NCAM2: variants seen among roughly 807,000 people sequenced by gnomAD.
The protein encoded by NCAM2 is neural cell adhesion molecule 2.
NCAM2 carries 30 observed loss-of-function variants against 98.1 expected under a neutral mutation model. The ratio of observed to expected loss-of-function variants is 0.31; its 90% CI spans 0.23 to 0.41. NCAM2 has a LOEUF of 0.41. Ranked by LOEUF, NCAM2 falls within the 10% of genes least tolerant of loss-of-function variation. The probability of loss-of-function intolerance (pLI) is 1.00; values close to 1 mark genes in which losing one functional copy is unlikely to be tolerated. For synonymous variants in NCAM2, 368 were observed against 342.4 expected (o/e 1.07, Z -0.83); for missense variants, 867 against 1,005.8 (o/e 0.86, Z 1.87).
chr21:21,011,857 A>AT (rs772383765), intron 1 of NCAM2, among the ~76,000 whole-genome samples: 1 of 152,168 alleles, frequency 6.6e-6, no homozygotes, highest in Non-Finnish European at 1.5e-5. Context: ...AAGCTGACAT[A>AT]TATATGGTCA....
At chr21:21,290,396 A>C (rs2073249121) in intron 4 of NCAM2, among the ~76,000 whole-genome samples, 1 of 151,848 alleles carries the variant, frequency 6.6e-6, no homozygotes, top group Non-Finnish European at 1.5e-5. Flanking sequence ...AAACTTTATG[A>C]AGTTTCAGGA....
intron 1 of NCAM2, among the ~76,000 whole-genome samples, chr21:21,180,668 A>T (rs937079892): frequency 6.6e-6 from 1 of 151,944 alleles, no homozygotes; most frequent in Admixed American, 6.6e-5. Flanking sequence ...TTAGTTTTTT[A>T]TCTATTCAAA....
At chr21:21,240,595 C>A (rs548249770) in intron 1 of NCAM2, among the ~76,000 whole-genome samples, 48 of 152,254 alleles carry the variant, frequency 3.2e-4, no homozygotes, top group African/African-American at 1.2e-3. Context: ...GAGAAATCCC[C>A]TAACTTCTTT....
At chr21:21,428,054 C>T (rs1324827083) in intron 11 of NCAM2, among the ~76,000 whole-genome samples, 1 of 152,206 alleles carries the variant, frequency 6.6e-6, no homozygotes, top group East Asian at 1.9e-4. Flanking sequence ...AAGGCCAGGT[C>T]TTGAATCCAT....
intron 1 of NCAM2, among the ~76,000 whole-genome samples, chr21:21,066,910 T>C (rs984199968): frequency 6.6e-6 from 1 of 152,026 alleles, no homozygotes; most frequent in Non-Finnish European, 1.5e-5. Flanking sequence ...TGGAGAGAAC[T>C]ACAGCATAAC....
At chr21:21,417,924 A>T (rs1159210939) in intron 10 of NCAM2, among the ~76,000 whole-genome samples, 1 of 152,056 alleles carries the variant, frequency 6.6e-6, no homozygotes, top group African/African-American at 2.4e-5. Flanking sequence ...CGTTAGTATT[A>T]TATGTTCAAT....
chr21:21,090,125 A>C (rs2065983849), intron 1 of NCAM2, among the ~76,000 whole-genome samples: 1 of 152,142 alleles, frequency 6.6e-6, no homozygotes, highest in Non-Finnish European at 1.5e-5. Context: ...CTCAGGCCCC[A>C]CCCCAGAATC....
chr21:21,351,350 T>A (rs1377297669), intron 8 of NCAM2, among the ~76,000 whole-genome samples: 1 of 152,192 alleles, frequency 6.6e-6, no homozygotes, highest in East Asian at 1.9e-4. Context: ...CAGCTTAAAC[T>A]TTTCATAGAA....
At chr21:21,055,377 T>C (rs8132319) in intron 1 of NCAM2, among the ~76,000 whole-genome samples, 9,087 of 152,084 alleles carry the variant, frequency 0.06, 285 homozygotes, top group East Asian at 0.096. Flanking sequence ...TATTATCTCT[T>C]GTGATCCAAC....
At chr21:21,411,001 G>C (rs868491254) in intron 10 of NCAM2, among the ~76,000 whole-genome samples, 1 of 91,990 alleles carries the variant, frequency 1.1e-5, no homozygotes, top group East Asian at 2.7e-4. Context: ...GCGAGACTCC[G>C]TCTTAAAAAA....
intron 15 of NCAM2, among the ~76,000 whole-genome samples, chr21:21,482,932 T>A (rs999801437): frequency 3.9e-5 from 6 of 152,044 alleles, no homozygotes; most frequent in African/African-American, 1.4e-4. Flanking sequence ...ATTGGGAAAC[T>A]ATAGCAGATT....
chr21:21,193,542 C>CTGGAGTG (rs2068897925), intron 1 of NCAM2, among the ~76,000 whole-genome samples: 1 of 139,750 alleles, frequency 7.2e-6, no homozygotes, highest in South Asian at 2.2e-4. Context: ...TGTCGCCAGG[C>CTGGAGTG]TGGAGTGCAA....
intron 5 of NCAM2, among the ~76,000 whole-genome samples, chr21:21,309,667 G>C (rs1006940732): frequency 6.6e-6 from 1 of 152,116 alleles, no homozygotes; most frequent in African/African-American, 2.4e-5. Flanking sequence ...TTGCCATTAA[G>C]TCCTGTCTGG....
At chr21:21,414,113 C>T (rs1380014747) in intron 10 of NCAM2, among the ~76,000 whole-genome samples, 1 of 152,148 alleles carries the variant, frequency 6.6e-6, no homozygotes, top group Non-Finnish European at 1.5e-5. Flanking sequence ...ATTTGCTCCT[C>T]CATGAAGAGC....
chr21:21,323,146 A>G (rs2147789769), intron 5 of NCAM2, among the ~76,000 whole-genome samples: 1 of 152,332 alleles, frequency 6.6e-6, no homozygotes, highest in South Asian at 2.1e-4. Flanking sequence ...CATTTTGTTT[A>G]AAATGTTATT....
intron 12 of NCAM2, among the ~76,000 whole-genome samples, chr21:21,441,877 C>T (rs907816784): frequency 7.2e-5 from 11 of 152,218 alleles, no homozygotes; most frequent in Middle Eastern, 3.4e-3. Context: ...GAGATGAAAT[C>T]AGAAAGATAC....
intron 1 of NCAM2, among the ~76,000 whole-genome samples, chr21:21,197,470 T>C (rs1568754387): frequency 6.6e-6 from 1 of 152,150 alleles, no homozygotes; most frequent in Non-Finnish European, 1.5e-5. Context: ...GGTGTTTCTT[T>C]GTAGCTGTGC....
At chr21:21,486,650 T>C (rs1405719633) in intron 15 of NCAM2, among the ~76,000 whole-genome samples, 1 of 152,166 alleles carries the variant, frequency 6.6e-6, no homozygotes, top group Non-Finnish European at 1.5e-5. Context: ...GTAGAAATGA[T>C]CTTGACTTAG....
chr21:21,460,619 A>G (rs985622312), intron 12 of NCAM2, among the ~76,000 whole-genome samples: 3 of 151,970 alleles, frequency 2.0e-5, no homozygotes, highest in Non-Finnish European at 2.9e-5. Context: ...CATTTGGTAT[A>G]ATTTTTAAAA....
Sources: gnomAD v4.1 joint callset for allele counts (sites outside exome capture counted in the v4.1 genomes callset) on GRCh38, gnomAD v4.1.1 for gene constraint, MANE v1.5 for transcripts, NCBI Gene and HGNC (gene_info 2026-07-23, HGNC 2026-07-21) for gene names.